ANK1: variants seen among roughly 807,000 people sequenced by gnomAD.
ANK1 encodes the protein ankyrin-1.
In ANK1, 51 loss-of-function variants were observed where a neutral mutation model predicts 210.4. That is an observed-to-expected ratio of 0.24 (90% CI 0.19 to 0.31). ANK1 has a LOEUF of 0.31. Ranked by LOEUF, ANK1 falls within the 10% of genes least tolerant of loss-of-function variation. The pLI is 1.00. For missense variants in ANK1, 2,051 were observed against 2,504.4 expected (o/e 0.82, Z 3.86); for synonymous variants, 967 against 1,025.9 (o/e 0.94, Z 1.10).
At chr8:41,684,064 C>T (rs929285631) in intron 37 of ANK1, among the ~76,000 whole-genome samples, 4 of 152,238 alleles carry the variant, frequency 2.6e-5, no homozygotes, top group African/African-American at 4.8e-5. Context: ...AAACACCGTC[C>T]AGTTAAACTG....
At chr8:41,726,075 G>T in intron 5 of ANK1, 129 bp from the exon 6 acceptor site, 2 of 1,054,594 alleles carry the variant, frequency 1.9e-6, no homozygotes, top group Non-Finnish European at 2.8e-6. Context: ...CTCCACCAAA[G>T]CCCTCTTCAT....
chr8:41,661,663 A>G, intron 41 of ANK1, 99 bp from the exon 42 acceptor site: 5 of 1,600,020 alleles, frequency 3.1e-6, no homozygotes, highest in Non-Finnish European at 4.3e-6. Flanking sequence ...TGGCAGACAC[A>G]CTGCCCACCA....
chr8:41,885,102 G>A (rs1299231188), intron 1 of ANK1, among the ~76,000 whole-genome samples: 1 of 152,102 alleles, frequency 6.6e-6, no homozygotes, highest in Non-Finnish European at 1.5e-5. Flanking sequence ...GATAAAGACC[G>A]TATTGGAAGG....
chr8:41,688,965 C>T (rs901854748), intron 33 of ANK1, among the ~76,000 whole-genome samples: 1 of 152,250 alleles, frequency 6.6e-6, no homozygotes, highest in Admixed American at 6.5e-5. Context: ...AGTTAATATG[C>T]AATGGAGCTG....
At chr8:41,836,335 C>T (rs1363402822) in intron 1 of ANK1, among the ~76,000 whole-genome samples, 1 of 152,266 alleles carries the variant, frequency 6.6e-6, no homozygotes, top group Non-Finnish European at 1.5e-5. Context: ...TCGTCACATA[C>T]ATTCATTGAG....
Position 41,672,782 on chromosome 8 carries a change from C to T in ANK1, c.4668G>A (p.Glu1556=). The change falls in exon 38 of 43, where the codon GAG becomes GAA. Residue 1556 remains glutamate (E), a synonymous_variant. Transcript: ENST00000289734. ...CAGACATCTCCAGCATGGTGTCATG[C>T]TCCGTGGCCGCCAAGGGGATGGCGT... ...VLDAIPLAAT[E]HDTMLEMSDM... is the part of the protein sequence containing the mutation. 6.2e-7 allele frequency: 1 copy of T among 1,603,652 alleles called. No individual in the cohort carries two copies. Among genetic ancestry groups the T allele is most frequent in the East Asian group, 2.2e-5 (1 of 44,734 alleles).
At position 41,655,298 on chromosome 8, in the gene ANK1, T is replaced by TA. The variant is rs1240934672; in HGVS notation, c.*491dup. 2.6e-5 allele frequency: 4 copies of TA among 153,864 alleles called. No individual in the cohort carries two copies. Among genetic ancestry groups the TA allele is most frequent in the African/African-American group, 1.2e-4 (4 of 32,802 alleles). 9.5% of individuals were successfully genotyped at this position (153,864 alleles called of 1,614,324 possible). A position where few individuals can be genotyped will look rare whatever the true frequency, so the allele number is the denominator to read the frequency against. On this transcript the variant is annotated 3_prime_UTR_variant, in exon 43 of 43. Coordinates refer to ENST00000289734, the MANE Select transcript of ANK1 (RefSeq NM_000037.4). ...TAAGGTGTTAAACTGATTTCATGCC[T>TA]AGTTTTCTTTTTTTTTTTTTTCTTT...
At position 41,803,058 on chromosome 8, in the gene ANK1, A is replaced by AAAG. The variant is rs1282135495; in HGVS notation, c.127-44922_127-44921insCTT. Among the ~76,000 whole-genome samples, 177 of 63,186 alleles carry AAAG rather than the reference A, an allele frequency of 2.8e-3. 3 individuals are homozygous for AAAG. Among genetic ancestry groups the AAAG allele is most frequent in the African/African-American group, 0.012 (164 of 13,178 alleles). 41.5% of individuals were successfully genotyped at this position (63,186 alleles called of 152,430 possible). ...GAAAGAAAGAGAAAGAAAGAAAGAG[A>AAAG]GAAAGGAAGGAAGGAAGGAAGGAAG... On this transcript the variant is annotated intron_variant, in intron 1 of 42. Coordinates refer to the ANK1 transcript ENST00000265709.
rs79385151 is a variant in ANK1, at chr8:41,820,831, G to C, written c.127-62694C>G. On this transcript the variant is annotated intron_variant, in intron 1 of 42. Transcript: ENST00000265709. ...GATGAAGGGTCACATTATTAAAGCT[G>C]ATACGGCATCCTGAGCTACACAAAG... Among the ~76,000 whole-genome samples, 163 of 152,222 alleles carry C rather than the reference G, an allele frequency of 1.1e-3. 2 individuals are homozygous for C. In the East Asian group the frequency reaches 0.03, roughly 28 times the overall value.
chr8:41,710,791 T>A (rs1586331486), intron 16 of ANK1, among the ~76,000 whole-genome samples: 1 of 152,164 alleles, frequency 6.6e-6, no homozygotes, highest in Non-Finnish European at 1.5e-5. Flanking sequence ...ACATTTCTGA[T>A]TCTGCCAGGA....
chr8:41,758,196 C>A (rs1295338658), intron 1 of ANK1, 59 bp from the exon 2 acceptor site: 7 of 1,476,716 alleles, frequency 4.7e-6, no homozygotes, highest in Middle Eastern at 2.3e-4. Flanking sequence ...TTCTCCACCC[C>A]GTTCAAGTCC....
At chr8:41,768,640 G>A (rs1425863282) in intron 1 of ANK1, among the ~76,000 whole-genome samples, 5 of 152,168 alleles carry the variant, frequency 3.3e-5, no homozygotes, top group Admixed American at 1.3e-4. Flanking sequence ...GCACCAGCAA[G>A]ATTCCTAACA....
intron 9 of ANK1, among the ~76,000 whole-genome samples, chr8:41,722,896 T>C (rs1045955028): frequency 1.3e-5 from 2 of 152,198 alleles, no homozygotes; most frequent in African/African-American, 2.4e-5. Context: ...AAGCCTAAAA[T>C]TGTCTCATAC....
At chr8:41,751,072 T>C (rs1837596459) in intron 2 of ANK1, among the ~76,000 whole-genome samples, 1 of 152,214 alleles carries the variant, frequency 6.6e-6, no homozygotes, top group African/African-American at 2.4e-5. Context: ...ACTGCTCTTT[T>C]CTGGTTTTAT....
chr8:41,766,971 C>G (rs1206510102), intron 1 of ANK1, among the ~76,000 whole-genome samples: 26 of 152,268 alleles, frequency 1.7e-4, no homozygotes, highest in Non-Finnish European at 2.9e-5. Flanking sequence ...AGGCTGTCCC[C>G]TGGGGTGAGG....
chr8:41,881,168 C>T (rs917972044), intron 1 of ANK1, among the ~76,000 whole-genome samples: 3 of 152,206 alleles, frequency 2.0e-5, no homozygotes, highest in Non-Finnish European at 4.4e-5. Flanking sequence ...CACAAGGTCC[C>T]TTCCAAGAGG....
At chr8:41,876,604 C>G (rs997724067) in intron 1 of ANK1, among the ~76,000 whole-genome samples, 1 of 152,246 alleles carries the variant, frequency 6.6e-6, no homozygotes, top group African/African-American at 2.4e-5. Context: ...CGGAAACGTA[C>G]GCGCTGTCCT....
intron 1 of ANK1, among the ~76,000 whole-genome samples, chr8:41,762,385 A>C (rs1346258381): frequency 6.6e-6 from 1 of 151,870 alleles, no homozygotes; most frequent in Non-Finnish European, 1.5e-5. Context: ...TTTTTAATGC[A>C]CTTAAAATAT....
intron 16 of ANK1, among the ~76,000 whole-genome samples, chr8:41,712,131 G>T (rs1826320467): frequency 1.3e-5 from 2 of 152,126 alleles, no homozygotes; most frequent in Admixed American, 1.3e-4. Context: ...CACCATGTTG[G>T]CCAGGATGGT....
Sources: gnomAD v4.1 joint callset for allele counts (sites outside exome capture counted in the v4.1 genomes callset) on GRCh38, gnomAD v4.1.1 for gene constraint, MANE v1.5 for transcripts, NCBI Gene and HGNC (gene_info 2026-07-23, HGNC 2026-07-21) for gene names.